The following MYO1E variants were observed in gnomAD, a reference collection of about 807,000 sequenced individuals.
MYO1E encodes the protein myosin IE.
In MYO1E, 68 loss-of-function variants were observed where a neutral mutation model predicts 151.1. The ratio of observed to expected loss-of-function variants is 0.45; its 90% CI spans 0.37 to 0.55. MYO1E has a LOEUF of 0.55. Ranked by LOEUF, MYO1E falls within the 20% of genes least tolerant of loss-of-function variation. MYO1E has a pLI of 0.00. For synonymous variants in MYO1E, 601 were observed against 501.7 expected (o/e 1.20, Z -2.64); for missense variants, 1,363 against 1,389.3 (o/e 0.98, Z 0.30).
chr15:59,233,661 T>TAAAAAAAAAAA (rs11285934), intron 5 of MYO1E, among the ~76,000 whole-genome samples: 1 of 78,376 alleles, frequency 1.3e-5, no homozygotes, highest in South Asian at 5.7e-4. Context: ...AGACTCCGTC[T>TAAAAAAAAAAA]AAAAAAAAAA....
intron 2 of MYO1E, among the ~76,000 whole-genome samples, chr15:59,270,528 G>A (rs1418329459): frequency 6.9e-6 from 1 of 144,646 alleles, no homozygotes; most frequent in Admixed American, 7.0e-5. Context: ...GGGTGACAGA[G>A]GGAGACCCTG....
rs181688807 is a variant in MYO1E, at chr15:59,158,559, G to A, written c.2786-180C>T. On this transcript the variant is annotated intron_variant, in intron 24 of 27. Coordinates refer to ENST00000288235, the MANE Select transcript of MYO1E (RefSeq NM_004998.4). Reference sequence around the variant, plus strand: ...GGAAGTATGTAATGGTAGCTATTGGGTGGGAGGGGCTGGAGGACAGGGTTA... The same window carrying A: ...GGAAGTATGTAATGGTAGCTATTGGATGGGAGGGGCTGGAGGACAGGGTTA... Among the ~76,000 whole-genome samples, 22 of 152,322 alleles carry A rather than the reference G, an allele frequency of 1.4e-4. No homozygotes were observed. In the East Asian group the frequency reaches 4.0e-3, roughly 28 times the overall value.
chr15:59,277,560 A>C (rs139800362), intron 1 of MYO1E, among the ~76,000 whole-genome samples: 3,624 of 126,778 alleles, frequency 0.029, 93 homozygotes, highest in Middle Eastern at 0.051. Context: ...AAAAAAAAAA[A>C]AAAAAAAAAA....
rs555618734 is a variant in MYO1E, at chr15:59,243,174, G to A, written c.333-6502C>T. On this transcript the variant is annotated intron_variant, in intron 4 of 27. Transcript: ENST00000288235. ...CTTATTTCAAAAGGTATAACCCAAG[G>A]ATTAAAAATATAGTGATAGTTTTTA... Among the ~76,000 whole-genome samples, 7 of 146,804 alleles carry A rather than the reference G, an allele frequency of 4.8e-5. No homozygotes were observed. The South Asian group carries it at 1.3e-3, about 28-fold the overall frequency.
At chr15:59,311,519 G>A (rs1192900303) in intron 1 of MYO1E, among the ~76,000 whole-genome samples, 1 of 152,158 alleles carries the variant, frequency 6.6e-6, no homozygotes, top group African/African-American at 2.4e-5. Context: ...AAGACCAGAA[G>A]TTTGGGCAGT....
At position 59,159,320 on chromosome 15, in the gene MYO1E, G is replaced by A. The variant is rs1306545573; in HGVS notation, c.2786-941C>T. ...AACACCTATTGGGCAATTTCCCCTC[G>A]GGGGCCCGCCGCACAAACATAGCCT... On this transcript the variant is annotated intron_variant, in intron 24 of 27. Coordinates refer to ENST00000288235, the MANE Select transcript of MYO1E (RefSeq NM_004998.4). The surrounding 1 kb of genome is among the most constrained non-coding windows in gnomAD (Gnocchi z 4.4). 1.3e-5 allele frequency among the ~76,000 whole-genome samples: 2 copies of A among 152,194 alleles called. No individual in the cohort carries two copies. Among genetic ancestry groups the A allele is most frequent in the African/African-American group, 2.4e-5 (1 of 41,448 alleles).
intron 1 of MYO1E, among the ~76,000 whole-genome samples, chr15:59,280,579 G>A (rs1389692282): frequency 1.5e-4 from 22 of 145,602 alleles, no homozygotes; most frequent in African/African-American, 5.2e-4. Context: ...CTGAGATCGC[G>A]CCATTGCACT....
At chr15:59,318,520 T>C (rs1352917032) in intron 1 of MYO1E, among the ~76,000 whole-genome samples, 5 of 152,302 alleles carry the variant, frequency 3.3e-5, no homozygotes, top group African/African-American at 4.8e-5. Flanking sequence ...ATGAAAATCA[T>C]ACAAGAGATT....
chr15:59,349,999 C>G (rs1372536452), intron 1 of MYO1E, among the ~76,000 whole-genome samples: 1 of 152,192 alleles, frequency 6.6e-6, no homozygotes, highest in African/African-American at 2.4e-5. Flanking sequence ...GGAGGGGTGG[C>G]TAGAACAGAG....
At chr15:59,253,901 C>CTTT (rs34819314) in intron 4 of MYO1E, among the ~76,000 whole-genome samples, 2,862 of 135,818 alleles carry the variant, frequency 0.021, 119 homozygotes, top group African/African-American at 0.073. Context: ...GACAAACAAC[C>CTTT]TTTTTTTTTT....
At chr15:59,179,383 G>A (rs2079645093) in intron 18 of MYO1E, among the ~76,000 whole-genome samples, 2 of 152,206 alleles carry the variant, frequency 1.3e-5, no homozygotes, top group African/African-American at 2.4e-5. Context: ...CCTCCCAGAT[G>A]AAGGTGAGAG....
chr15:59,162,295 G>A (rs2079542066), intron 23 of MYO1E, among the ~76,000 whole-genome samples: 1 of 152,120 alleles, frequency 6.6e-6, no homozygotes, highest in Non-Finnish European at 1.5e-5. Flanking sequence ...TATGAGATTA[G>A]AGGGTCAACA....
intron 4 of MYO1E, among the ~76,000 whole-genome samples, chr15:59,237,405 C>G (rs778104390): frequency 6.6e-6 from 1 of 152,112 alleles, no homozygotes; most frequent in Non-Finnish European, 1.5e-5. Context: ...ATGGGGAGAG[C>G]CTTTTGTTAA....
chr15:59,193,467 G>A (rs2079746690), intron 17 of MYO1E, among the ~76,000 whole-genome samples: 1 of 152,200 alleles, frequency 6.6e-6, no homozygotes, highest in African/African-American at 2.4e-5. Context: ...GAAAGGAGAA[G>A]CGGAACTATA....
intron 1 of MYO1E, among the ~76,000 whole-genome samples, chr15:59,356,081 C>T (rs1156638825): frequency 6.6e-6 from 1 of 152,186 alleles, no homozygotes; most frequent in Non-Finnish European, 1.5e-5. Context: ...ACAACAGATT[C>T]TGTTTTCTAG....
In MYO1E at chr15:59,134,339, A is replaced by G. The variant is rs915867126; in HGVS notation, c.*3041T>C. The G allele has an allele frequency of 1.3e-5, 2 of 152,144 alleles. No individual in the cohort carries two copies. Among genetic ancestry groups the G allele is most frequent in the African/African-American group, 2.4e-5 (1 of 41,440 alleles). The allele number at this position is 152,144 out of a possible 1,614,324, so 9.4% of individuals were successfully genotyped here. ...GAAGGCTTCACCCTTTGTCCTCTCCACATGTCTCTGTATTGTTTCACAAAA... is the reference window on the plus strand; with the variant it reads ...GAAGGCTTCACCCTTTGTCCTCTCCGCATGTCTCTGTATTGTTTCACAAAA... On this transcript the variant is annotated 3_prime_UTR_variant, in exon 28 of 28. Coordinates refer to ENST00000288235, the MANE Select transcript of MYO1E (RefSeq NM_004998.4).
intron 26 of MYO1E, among the ~76,000 whole-genome samples, chr15:59,140,689 G>A (rs1191824405): frequency 1.3e-5 from 2 of 152,252 alleles, no homozygotes; most frequent in African/African-American, 4.8e-5. Flanking sequence ...CCCAGGTCCT[G>A]TGATGACAGA....
intron 1 of MYO1E, among the ~76,000 whole-genome samples, chr15:59,318,941 T>G (rs1446911859): frequency 1.3e-5 from 2 of 152,098 alleles, no homozygotes; most frequent in East Asian, 3.9e-4. Flanking sequence ...GACATGACAG[T>G]GGGTTAAGAA....
At chr15:59,304,274 C>A (rs1224913137) in intron 1 of MYO1E, among the ~76,000 whole-genome samples, 2 of 152,170 alleles carry the variant, frequency 1.3e-5, no homozygotes, top group African/African-American at 4.8e-5. Context: ...TGAGCCACTG[C>A]GGCCCGCCTA....
Sources: gnomAD v4.1 joint callset for allele counts (sites outside exome capture counted in the v4.1 genomes callset) on GRCh38, gnomAD v4.1.1 for gene constraint, Gnocchi (gnomAD v3.1) non-coding constraint, MANE v1.5 for transcripts, NCBI Gene and HGNC (gene_info 2026-07-23, HGNC 2026-07-21) for gene names.